The following SLC5A10 variants were observed in gnomAD, a reference collection of about 807,000 sequenced individuals.
The protein encoded by SLC5A10 is solute carrier family 5 member 10.
Under a neutral mutation model 68.9 loss-of-function variants are expected in SLC5A10, and 55 were observed. The ratio of observed to expected loss-of-function variants is 0.80; its 90% CI spans 0.64 to 1.00. SLC5A10 has a LOEUF of 1.00. Ranked by LOEUF, SLC5A10 falls within the 50% of genes least tolerant of loss-of-function variation. The pLI is 0.00. For missense variants in SLC5A10, 732 were observed against 819.3 expected (o/e 0.89, Z 1.30); for synonymous variants, 344 against 344.8 (o/e 1.00, Z 0.02).
intron 8 of SLC5A10, among the ~76,000 whole-genome samples, chr17:18,973,553 C>T (rs2042907249): frequency 2.0e-5 from 3 of 152,224 alleles, no homozygotes; most frequent in African/African-American, 7.2e-5. Flanking sequence ...GGTTCCTGGT[C>T]TCTGTGTGGC....
In SLC5A10 at chr17:19,021,883, G is replaced by A; in HGVS notation, c.*1452G>A. 1 of 1,386,732 alleles carries A rather than the reference G, an allele frequency of 7.2e-7. No homozygotes were observed. Among genetic ancestry groups the A allele is most frequent in the Non-Finnish European group, 9.4e-7 (1 of 1,060,184 alleles). The allele number at this position is 1,386,732 out of a possible 1,614,324, so 85.9% of individuals were successfully genotyped here. Reference sequence around the variant, plus strand: ...CTGAGCCCCGTGTGACTCTGACAGAGCTGGGGGTGTCCATGTCCTCTCTGG... The same window carrying A: ...CTGAGCCCCGTGTGACTCTGACAGAACTGGGGGTGTCCATGTCCTCTCTGG... On this transcript the variant is annotated 3_prime_UTR_variant, in exon 15 of 15. Coordinates refer to ENST00000395645, the MANE Select transcript of SLC5A10 (RefSeq NM_001042450.4). This position sits in a 1 kb window ranked among gnomAD's most constrained non-coding sequence, Gnocchi z 4.1.
At chr17:18,967,888 A>G (rs1315272544) in intron 5 of SLC5A10, among the ~76,000 whole-genome samples, 1 of 111,950 alleles carries the variant, frequency 8.9e-6, no homozygotes, top group Admixed American at 1.0e-4. Flanking sequence ...CCCCCACCAC[A>G]CCTTCCCCTG....
At chr17:19,020,001 A>T (rs2044230714) in intron 13 of SLC5A10, 73 bp downstream of exon 13, 1 of 1,484,458 alleles carries the variant, frequency 6.7e-7, no homozygotes. Context: ...TCCCCGACCC[A>T]CTCTGACTCA....
intron 9 of SLC5A10, among the ~76,000 whole-genome samples, chr17:19,007,521 GCC>G (rs2043918831): frequency 6.6e-6 from 1 of 152,144 alleles, no homozygotes; most frequent in Admixed American, 6.5e-5. Context: ...TCCCACTTCA[GCC>G]TCCTGAGTAG....
At chr17:18,978,256 G>C in intron 9 of SLC5A10, 1 of 1,605,320 alleles carries the variant, frequency 6.2e-7, no homozygotes, top group South Asian at 1.1e-5. Context: ...GCTCTGGACG[G>C]GGCCTGCTGT....
chr17:19,010,544 C>A (rs1237765470), intron 9 of SLC5A10, among the ~76,000 whole-genome samples: 1 of 152,202 alleles, frequency 6.6e-6, no homozygotes, highest in Non-Finnish European at 1.5e-5. Context: ...TTTCTTGCTG[C>A]TCAGCACAAA....
intron 8 of SLC5A10, among the ~76,000 whole-genome samples, chr17:18,974,541 C>T (rs1211816917): frequency 4.6e-5 from 7 of 152,316 alleles, no homozygotes; most frequent in South Asian, 4.1e-4. Context: ...CTGCTGATGC[C>T]GCAGCTCCAG....
intron 9 of SLC5A10, among the ~76,000 whole-genome samples, chr17:18,992,209 C>T (rs1443094769): frequency 6.6e-6 from 1 of 152,196 alleles, no homozygotes; most frequent in Non-Finnish European, 1.5e-5. Flanking sequence ...ATCCGCCGGC[C>T]TTCTCCACCC....
intron 5 of SLC5A10, among the ~76,000 whole-genome samples, chr17:18,965,698 G>A (rs1481341131): frequency 1.3e-5 from 2 of 152,246 alleles, no homozygotes; most frequent in Non-Finnish European, 2.9e-5. Context: ...CCCTCCCTGT[G>A]TACTGGGCTC....
intron 1 of SLC5A10, among the ~76,000 whole-genome samples, chr17:18,955,024 C>T (rs554431578): frequency 2.1e-5 from 3 of 145,932 alleles, no homozygotes; most frequent in East Asian, 2.0e-4. Context: ...AGGCGGAGGT[C>T]GCAATGAGCT....
intron 8 of SLC5A10, chr17:18,976,225 T>G (rs1016722131): frequency 1.4e-5 from 2 of 146,658 alleles, no homozygotes; most frequent in Non-Finnish European, 1.5e-5. Flanking sequence ...AATCGTAATA[T>G]CAGTGCTGGG....
chr17:18,973,133 C>T (rs1220937531), intron 8 of SLC5A10, among the ~76,000 whole-genome samples: 1 of 152,222 alleles, frequency 6.6e-6, no homozygotes, highest in African/African-American at 2.4e-5. Flanking sequence ...GAAAGGTTGG[C>T]CGTGGAGGGC....
intron 9 of SLC5A10, among the ~76,000 whole-genome samples, chr17:19,002,281 C>G (rs1390069291): frequency 1.3e-5 from 2 of 152,246 alleles, no homozygotes; most frequent in Non-Finnish European, 2.9e-5. Context: ...TTGAGAGCAG[C>G]CAGGCCAGGG....
Position 19,019,456 on chromosome 17 carries a change from G to A in SLC5A10, c.1275G>A (p.Val425=). The part of the protein sequence containing the change: ...LVIVALIGVS[V]AWIPVLQDSN... ...TAGTGGCACTCATCGGCGTGAGTGT[G>A]GCCTGGATCCCCGTCCTGCAGGACT... The change falls in exon 12 of 15, where the codon GTG becomes GTA. Residue 425 remains valine, a synonymous_variant. Transcript: ENST00000395645. 3 of 1,611,828 alleles carry A rather than the reference G, an allele frequency of 1.9e-6. No homozygotes were observed. The South Asian group carries it at 3.3e-5, about 18-fold the overall frequency.
chr17:18,981,391 T>C (rs1301059392), intron 9 of SLC5A10, among the ~76,000 whole-genome samples: 1 of 152,078 alleles, frequency 6.6e-6, no homozygotes, highest in Non-Finnish European at 1.5e-5. Context: ...TGCACCGGCT[T>C]AAGAGCCTGA....
At chr17:18,987,208 C>T (rs2043292285) in intron 9 of SLC5A10, among the ~76,000 whole-genome samples, 1 of 152,234 alleles carries the variant, frequency 6.6e-6, no homozygotes, top group Non-Finnish European at 1.5e-5. Flanking sequence ...CTGTCAGACA[C>T]TGGTGCTGAG....
intron 1 of SLC5A10, among the ~76,000 whole-genome samples, chr17:18,953,157 A>G (rs576252906): frequency 1.4e-4 from 19 of 134,246 alleles, no homozygotes; most frequent in Admixed American, 1.3e-3. Context: ...TTTAACTGAG[A>G]CGGAGTCTAG....
chr17:19,020,111 T>TCCCCCCCCCCCCCC, intron 13 of SLC5A10, 44 bp from the exon 14 acceptor site: 1 of 276,322 alleles, frequency 3.6e-6, no homozygotes, highest in South Asian at 3.1e-5. Flanking sequence ...ACCCCCACCC[T>TCCCCCCCCCCCCCC]GCCATCCCCC....
intron 4 of SLC5A10, among the ~76,000 whole-genome samples, 141 bp from the exon 5 acceptor site, chr17:18,960,387 CGGGTGCTGGGGCTGTAAGGG>C (rs2042587890): frequency 1.3e-5 from 2 of 152,214 alleles, no homozygotes; most frequent in Admixed American, 1.3e-4. Flanking sequence ...GATTCCAGGC[CGGGTGCTGGGGCTGTAAGGG>C]GTCAGTGCCT....
Sources: gnomAD v4.1 joint callset for allele counts (sites outside exome capture counted in the v4.1 genomes callset) on GRCh38, gnomAD v4.1.1 for gene constraint, Gnocchi (gnomAD v3.1) non-coding constraint, MANE v1.5 for transcripts, NCBI Gene and HGNC (gene_info 2026-07-23, HGNC 2026-07-21) for gene names.